ITGA9: variants seen among roughly 807,000 people sequenced by gnomAD.
ITGA9 encodes the protein integrin alpha-9.
ITGA9 carries 56 observed loss-of-function variants against 127.8 expected under a neutral mutation model. The ratio of observed to expected loss-of-function variants is 0.44; its 90% CI spans 0.35 to 0.55. The LOEUF (loss-of-function observed/expected upper bound fraction) is 0.55, where lower values mean the gene tolerates loss of function less well. Ranked by LOEUF, ITGA9 falls within the 20% of genes least tolerant of loss-of-function variation. The pLI is 0.00. For missense variants in ITGA9, 1,196 were observed against 1,347.1 expected, an observed-to-expected ratio of 0.89 and a Z score of 1.76; for synonymous variants, 508 against 514.5, an observed-to-expected ratio of 0.99 and a Z score of 0.17.
intron 15 of ITGA9, among the ~76,000 whole-genome samples, chr3:37,572,177 A>G (rs1447993977): frequency 6.6e-6 from 1 of 152,128 alleles, no homozygotes; most frequent in Admixed American, 6.6e-5. Flanking sequence ...CAAGTGTGTT[A>G]GAGACAACAG....
intron 8 of ITGA9, among the ~76,000 whole-genome samples, chr3:37,511,963 TCTTTC>T: frequency 1.3e-5 from 1 of 75,168 alleles, no homozygotes; most frequent in African/African-American, 4.1e-5. Flanking sequence ...ATGCTTTTTC[TCTTTC>T]TTTTCTTTTC....
intron 26 of ITGA9, among the ~76,000 whole-genome samples, chr3:37,787,367 C>T (rs1209123059): frequency 6.6e-6 from 1 of 152,090 alleles, no homozygotes; most frequent in Non-Finnish European, 1.5e-5. Flanking sequence ...CTTAACATCT[C>T]GTTGTTGGAT....
chr3:37,660,923 A>G (rs1700527433), intron 17 of ITGA9, among the ~76,000 whole-genome samples: 1 of 152,232 alleles, frequency 6.6e-6, no homozygotes, highest in Non-Finnish European at 1.5e-5. Flanking sequence ...ACAGCATAAC[A>G]GAGGTACAAG....
intron 15 of ITGA9, among the ~76,000 whole-genome samples, chr3:37,589,891 A>G (rs1056163062): frequency 2.6e-5 from 4 of 152,090 alleles, no homozygotes; most frequent in Admixed American, 2.6e-4. Context: ...AAATGACATG[A>G]CCTTCTGCAT....
At chr3:37,638,067 A>G (rs1302556404) in intron 16 of ITGA9, among the ~76,000 whole-genome samples, 1 of 152,204 alleles carries the variant, frequency 6.6e-6, no homozygotes, top group African/African-American at 2.4e-5. Context: ...TAATTTGCCC[A>G]TCAAAATTAT....
intron 25 of ITGA9, among the ~76,000 whole-genome samples, chr3:37,784,573 G>A (rs1697015999): frequency 6.6e-6 from 1 of 152,210 alleles, no homozygotes; most frequent in African/African-American, 2.4e-5. Context: ...GCAGGAAGAT[G>A]CCTATAAAAT....
At chr3:37,726,737 G>C (rs78791305) in intron 18 of ITGA9, among the ~76,000 whole-genome samples, 1 of 152,170 alleles carries the variant, frequency 6.6e-6, no homozygotes, top group African/African-American at 2.4e-5. Flanking sequence ...CATAAGCCAA[G>C]GCCTATTCAT....
chr3:37,810,522 TCTC>T (rs1697354403), intron 27 of ITGA9, among the ~76,000 whole-genome samples: 1 of 151,896 alleles, frequency 6.6e-6, no homozygotes, highest in Non-Finnish European at 1.5e-5. Context: ...TTCAAGCAAT[TCTC>T]CTGCCTCAGC....
At chr3:37,747,716 C>CTTTTTTTTTTTTTTTT (rs56897652) in intron 22 of ITGA9, among the ~76,000 whole-genome samples, 1 of 140,040 alleles carries the variant, frequency 7.1e-6, no homozygotes. Context: ...CCTTTTTTTT[C>CTTTTTTTTTTTTTTTT]TTTTTTTTTT....
chr3:37,721,570 C>G (rs1701190357), intron 18 of ITGA9, among the ~76,000 whole-genome samples: 1 of 152,166 alleles, frequency 6.6e-6, no homozygotes, highest in African/African-American at 2.4e-5. Context: ...CCTTGGCTTC[C>G]ACATGGATGT....
At chr3:37,638,396 T>C (rs2125639820) in intron 16 of ITGA9, among the ~76,000 whole-genome samples, 2 of 149,480 alleles carry the variant, frequency 1.3e-5, no homozygotes, top group South Asian at 4.2e-4. Context: ...TCCAGGAGCC[T>C]GAGAGAAGTT....
chr3:37,667,627 C>A (rs143712969), intron 17 of ITGA9, among the ~76,000 whole-genome samples: 160 of 152,268 alleles, frequency 1.1e-3, no homozygotes, highest in Non-Finnish European at 1.6e-3. Flanking sequence ...TCTGGGATGC[C>A]CCTCAATTGT....
intron 4 of ITGA9, among the ~76,000 whole-genome samples, chr3:37,492,384 C>T (rs1294882402): frequency 6.6e-6 from 1 of 152,268 alleles, no homozygotes; most frequent in Non-Finnish European, 1.5e-5. Context: ...GGCCTGAAAA[C>T]AGTGCTTCAT....
At chr3:37,574,804 G>A (rs181885748) in intron 15 of ITGA9, among the ~76,000 whole-genome samples, 15 of 152,106 alleles carry the variant, frequency 9.9e-5, no homozygotes, top group African/African-American at 3.6e-4. Context: ...CAGCCCTTCC[G>A]GGTGGTGAAG....
intron 18 of ITGA9, among the ~76,000 whole-genome samples, chr3:37,713,765 G>C (rs1701103600): frequency 6.6e-6 from 1 of 152,216 alleles, no homozygotes; most frequent in Non-Finnish European, 1.5e-5. Context: ...TGCCAGCAAG[G>C]GTCTCCTGGC....
At chr3:37,692,864 G>T (rs1229500241) in intron 18 of ITGA9, among the ~76,000 whole-genome samples, 1 of 152,144 alleles carries the variant, frequency 6.6e-6, no homozygotes, top group African/African-American at 2.4e-5. Flanking sequence ...GGAGGAGTGC[G>T]GTATGGGATT....
At chr3:37,512,141 T>TC (rs1698932271) in intron 8 of ITGA9, among the ~76,000 whole-genome samples, 1 of 14,790 alleles carries the variant, frequency 6.8e-5, no homozygotes, top group African/African-American at 2.4e-4. Context: ...TTTCTTTTCT[T>TC]TTCTTTTCTT....
chr3:37,728,557 C>G (rs191262973), intron 18 of ITGA9, among the ~76,000 whole-genome samples: 1 of 152,304 alleles, frequency 6.6e-6, no homozygotes, highest in East Asian at 1.9e-4. Context: ...AAAGTGGGTA[C>G]TGGTGTTGCC....
chr3:37,661,089 A>G (rs1175956023), intron 17 of ITGA9, among the ~76,000 whole-genome samples: 1 of 152,230 alleles, frequency 6.6e-6, no homozygotes, highest in Non-Finnish European at 1.5e-5. Context: ...GCCACACAGC[A>G]AAGGGCCTGA....
Sources: gnomAD v4.1 joint callset for allele counts (sites outside exome capture counted in the v4.1 genomes callset) on GRCh38, gnomAD v4.1.1 for gene constraint, MANE v1.5 for transcripts, NCBI Gene and HGNC (gene_info 2026-07-23, HGNC 2026-07-21) for gene names.